BANK1: variants seen among roughly 807,000 people sequenced by gnomAD.
BANK1 encodes B cell scaffold protein with ankyrin repeats 1, also known as B-cell scaffold protein with ankyrin repeats.
A neutral mutation model predicts 94.5 loss-of-function variants in BANK1; 95 were observed. That is an observed-to-expected ratio of 1.00 (90% CI 0.85 to 1.19). The LOEUF is 1.19. Ranked by LOEUF, BANK1 falls within the 50% of genes most tolerant of loss-of-function variation. The probability of loss-of-function intolerance (pLI) is 0.00; values close to 1 mark genes in which losing one functional copy is unlikely to be tolerated. For synonymous variants in BANK1, 334 were observed against 308.4 expected, an observed-to-expected ratio of 1.08 and a Z score of -0.87; for missense variants, 987 against 932.2, an observed-to-expected ratio of 1.06 and a Z score of -0.77.
intron 7 of BANK1, among the ~76,000 whole-genome samples, chr4:101,978,674 CAT>C (rs1248642401): frequency 6.6e-6 from 1 of 151,772 alleles, no homozygotes. Context: ...CGTAATTTGT[CAT>C]AGTTTCTTTC....
At chr4:101,912,620 A>G (rs1722699565) in intron 6 of BANK1, among the ~76,000 whole-genome samples, 1 of 148,180 alleles carries the variant, frequency 6.7e-6, no homozygotes, top group Non-Finnish European at 1.5e-5. Flanking sequence ...TATATACATA[A>G]TATATATTAA....
intron 7 of BANK1, among the ~76,000 whole-genome samples, chr4:101,961,027 A>C (rs1724549459): frequency 6.6e-6 from 1 of 152,170 alleles, no homozygotes; most frequent in African/African-American, 2.4e-5. Context: ...CAGATGCTGA[A>C]AATATGTAAG....
rs377733591 is a variant in BANK1, at chr4:102,025,294, A to G, written c.1379A>G (p.Lys460Arg). The change falls in exon 9 of 17, where the codon AAA (lysine) becomes AGA (arginine). Residue 460 changes from lysine (K) to arginine (R), a missense_variant. Lys to Arg is a conservative substitution (Grantham distance 26, BLOSUM62 2). Transcript: ENST00000322953. ...AEANEMEGEG[K>R]QNGSGMETKH... ...GCAAATGAAATGGAAGGGGAAGGAA[A>G]ACAGAATGGATCAGGCATGGAGACC... 1.2e-5 allele frequency: 19 copies of G among 1,613,948 alleles called. No homozygotes were observed. Among genetic ancestry groups the G allele is most frequent in the Non-Finnish European group, 1.6e-5 (19 of 1,179,988 alleles).
Position 101,790,891 on chromosome 4 carries a change from C to G in BANK1, c.11C>G (p.Ala4Gly), listed in dbSNP as rs761494451. 1 of 1,539,102 alleles carries G rather than the reference C, an allele frequency of 6.5e-7. No homozygotes were observed. The highest frequency in any genetic ancestry group is 2.0e-5 in the Admixed American group (1 of 51,212). Residue 4 changes from alanine (A) to glycine (G), a missense_variant, in exon 1 of 17, where the codon GCA becomes GGA. Coordinates refer to ENST00000322953, the MANE Select transcript of BANK1 (RefSeq NM_017935.5). Reference sequence around the variant, plus strand: ...GCTTCAACCGCCACAATGCTGCCAGCAGCGCCAGGCAAGGGGCTTGGGAGC... The same window carrying G: ...GCTTCAACCGCCACAATGCTGCCAGGAGCGCCAGGCAAGGGGCTTGGGAGC... The part of the protein sequence containing the change: MLP[A>G]APGKGLGSPD...
chr4:101,938,099 T>C (rs1392865418), intron 7 of BANK1, among the ~76,000 whole-genome samples: 1 of 150,164 alleles, frequency 6.7e-6, no homozygotes, highest in Non-Finnish European at 1.5e-5. Context: ...GGGGTGGGGG[T>C]CTAGGGGAGG....
intron 2 of BANK1, among the ~76,000 whole-genome samples, chr4:101,843,102 G>C (rs1185937379): frequency 6.6e-6 from 1 of 152,054 alleles, no homozygotes; most frequent in Non-Finnish European, 1.5e-5. Context: ...TTTTCATACA[G>C]AAAAATGTAT....
At chr4:101,795,367 T>G (rs1725121352) in intron 1 of BANK1, among the ~76,000 whole-genome samples, 1 of 152,060 alleles carries the variant, frequency 6.6e-6, no homozygotes, top group Non-Finnish European at 1.5e-5. Flanking sequence ...CTGTGTTCTT[T>G]TATCTATGGA....
chr4:102,045,945 T>A (rs1727862940), intron 11 of BANK1, among the ~76,000 whole-genome samples: 2 of 149,994 alleles, frequency 1.3e-5, no homozygotes, highest in Admixed American at 1.3e-4. Flanking sequence ...AAAACTACTT[T>A]AAAGTTCATA....
At chr4:101,824,179 A>C (rs1245858661) in intron 1 of BANK1, among the ~76,000 whole-genome samples, 2 of 152,170 alleles carry the variant, frequency 1.3e-5, no homozygotes, top group Admixed American at 1.3e-4. Context: ...TTGTCTCCCT[A>C]TTCTTGGTAC....
intron 1 of BANK1, among the ~76,000 whole-genome samples, chr4:101,828,982 C>T (rs547338993): frequency 6.6e-6 from 1 of 152,136 alleles, no homozygotes; most frequent in African/African-American, 2.4e-5. Context: ...CCTGACTCAG[C>T]CTCCCAAGTG....
chr4:101,961,101 C>T (rs1400406382), intron 7 of BANK1, among the ~76,000 whole-genome samples: 1 of 152,126 alleles, frequency 6.6e-6, no homozygotes, highest in Non-Finnish European at 1.5e-5. Flanking sequence ...TTTAGGATTA[C>T]ATGGAAAAAC....
intron 1 of BANK1, among the ~76,000 whole-genome samples, chr4:101,820,524 G>C (rs1726102645): frequency 2.0e-5 from 3 of 152,000 alleles, no homozygotes; most frequent in South Asian, 4.1e-4. Context: ...TTGTTACATA[G>C]GTAAACTCAT....
intron 5 of BANK1, among the ~76,000 whole-genome samples, chr4:101,872,864 T>C (rs1728345823): frequency 6.6e-6 from 1 of 152,012 alleles, no homozygotes; most frequent in African/African-American, 2.4e-5. Flanking sequence ...GATGTATGCC[T>C]GTAATCCCAT....
chr4:102,034,200 A>G (rs1578469850), intron 10 of BANK1, among the ~76,000 whole-genome samples: 1 of 152,162 alleles, frequency 6.6e-6, no homozygotes, highest in African/African-American at 2.4e-5. Flanking sequence ...GCCAGAATGG[A>G]AAGATTGGGA....
intron 7 of BANK1, among the ~76,000 whole-genome samples, chr4:101,989,697 A>T (rs562189890): frequency 6.6e-6 from 1 of 151,924 alleles, no homozygotes; most frequent in South Asian, 2.1e-4. Flanking sequence ...GTTACTCTGT[A>T]TAGACAGCCT....
intron 7 of BANK1, among the ~76,000 whole-genome samples, chr4:101,986,743 T>A (rs1181316564): frequency 6.7e-6 from 1 of 148,212 alleles, no homozygotes; most frequent in African/African-American, 2.5e-5. Flanking sequence ...TCTTCTAATG[T>A]GATTGATCCT....
chr4:102,024,059 G>C (rs1727000459), intron 8 of BANK1, among the ~76,000 whole-genome samples: 1 of 152,112 alleles, frequency 6.6e-6, no homozygotes, highest in Admixed American at 6.6e-5. Flanking sequence ...ACTGGAAACT[G>C]TATCTTTCTT....
intron 7 of BANK1, among the ~76,000 whole-genome samples, chr4:101,999,730 G>A (rs903695949): frequency 8.5e-5 from 13 of 152,132 alleles, no homozygotes; most frequent in Non-Finnish European, 8.8e-5. Context: ...GCTAAGTATA[G>A]AATGTAAAAG....
chr4:102,005,750 T>C (rs1019470808), intron 7 of BANK1, among the ~76,000 whole-genome samples: 6 of 152,014 alleles, frequency 3.9e-5, no homozygotes, highest in Admixed American at 3.9e-4. Context: ...ACAACATTCT[T>C]TTTCTTTTGA....
Sources: allele counts gnomAD v4.1 joint callset (sites outside exome capture counted in the v4.1 genomes callset), GRCh38; gene constraint gnomAD v4.1.1; transcripts MANE v1.5; gene names NCBI Gene and HGNC (gene_info 2026-07-23, HGNC 2026-07-21).